The following GABPB2 variants were observed in gnomAD, a reference collection of about 807,000 sequenced individuals.
GABPB2 encodes the protein GA binding protein transcription factor subunit beta 2, also known as GA-binding protein subunit beta-2.
In GABPB2, 23 loss-of-function variants were observed where a neutral mutation model predicts 39.1. The observed-to-expected ratio is 0.59, with a 90% CI of 0.42 to 0.83. GABPB2 has a LOEUF of 0.83. GABPB2 is among the 40% of genes least tolerant of loss of function. The probability of loss-of-function intolerance (pLI) is 0.00; values close to 1 mark genes in which losing one functional copy is unlikely to be tolerated. For missense variants in GABPB2, 467 were observed against 541.1 expected, an observed-to-expected ratio of 0.86 and a Z score of 1.36; for synonymous variants, 184 against 199.3, an observed-to-expected ratio of 0.92 and a Z score of 0.65.
At chr1:151,071,453 C>CTTTTTT (rs71090124) in intron 1 of GABPB2, among the ~76,000 whole-genome samples, 69,830 of 100,448 alleles carry the variant, frequency 0.7, 26,491 homozygotes, top group East Asian at 0.89. Context: ...CTTTTTTGCT[C>CTTTTTT]TTTTTTTTTT....
intron 2 of GABPB2, among the ~76,000 whole-genome samples, chr1:151,089,653 A>G (rs587738707): frequency 4.6e-5 from 7 of 151,938 alleles, no homozygotes; most frequent in East Asian, 3.9e-4. Context: ...TACTTTATTT[A>G]TTTATTTTTT....
intron 2 of GABPB2, 48 bp downstream of exon 2, chr1:151,088,345 A>C: frequency 6.7e-7 from 1 of 1,495,582 alleles, no homozygotes; most frequent in East Asian, 2.4e-5. Flanking sequence ...GTATGCTTTT[A>C]CCAACATTTT....
intron 1 of GABPB2, among the ~76,000 whole-genome samples, chr1:151,080,465 C>A (rs997353822): frequency 2.0e-5 from 3 of 151,178 alleles, no homozygotes; most frequent in African/African-American, 7.3e-5. Context: ...GAACTGAGAT[C>A]ATTCCACTGC....
chr1:151,090,947 A>G (rs998214994), intron 3 of GABPB2, among the ~76,000 whole-genome samples: 3 of 151,470 alleles, frequency 2.0e-5, no homozygotes, highest in Non-Finnish European at 4.4e-5. Context: ...GTGGTGAGGC[A>G]AGATCACGCC....
rs375385535 is a variant in GABPB2, at chr1:151,093,392, G to C, written c.471+6G>C. The C allele has an allele frequency of 6.4e-7, 1 of 1,573,744 alleles. No homozygotes were observed. The highest frequency in any genetic ancestry group is 8.6e-7 in the Non-Finnish European group (1 of 1,160,064). On this transcript the variant is annotated splice_donor_region_variant and intron_variant, in intron 4 of 8. Transcript: ENST00000368918. ...AGATTTTGGTCATCCTCCAGGTGTG[G>C]TTCTTTTTATACTCTCCAGAATGTA...
Position 151,098,000 on chromosome 1 carries a change from CAGGTA to C in GABPB2, c.622_622+4del. The C allele has an allele frequency of 1.9e-6, 3 of 1,613,876 alleles. No individual in the cohort carries two copies. Among genetic ancestry groups the C allele is most frequent in the Non-Finnish European group, 1.7e-6 (2 of 1,179,904 alleles). ...TCTTCAACCAACACCAAAACAACCT[CAGGTA>C]ATGTTCTGATAACATGAAATTTATT... On this transcript the variant is annotated splice_donor_variant and splice_donor_region_variant and coding_sequence_variant and intron_variant, in exon 5 of 9. Transcript: ENST00000368918. LOFTEE classifies it high-confidence loss of function.
intron 6 of GABPB2, among the ~76,000 whole-genome samples, chr1:151,105,763 C>T (rs1308901355): frequency 6.6e-6 from 1 of 152,164 alleles, no homozygotes; most frequent in Non-Finnish European, 1.5e-5. Flanking sequence ...CCGTGGCCTC[C>T]CAAAGTGCTG....
At chr1:151,089,561 A>T (rs1404606809) in intron 2 of GABPB2, among the ~76,000 whole-genome samples, 1 of 152,316 alleles carries the variant, frequency 6.6e-6, no homozygotes, top group African/African-American at 2.4e-5. Context: ...GTGGCAAAAA[A>T]CTTTTCTTCC....
At chr1:151,073,842 C>G (rs1283352555) in intron 1 of GABPB2, among the ~76,000 whole-genome samples, 1 of 151,752 alleles carries the variant, frequency 6.6e-6, no homozygotes, top group Non-Finnish European at 1.5e-5. Flanking sequence ...ATCACTTGTA[C>G]CCAGGAGGCA....
At chr1:151,117,822 A>T (rs1389602025) in intron 8 of GABPB2, 135 bp from the exon 9 acceptor site, 2 of 874,278 alleles carry the variant, frequency 2.3e-6, no homozygotes, top group Middle Eastern at 3.4e-4. Context: ...GACCTCAGAT[A>T]ATCTGCCTAC....
chr1:151,083,072 C>T (rs183251059), intron 1 of GABPB2, among the ~76,000 whole-genome samples: 1 of 152,080 alleles, frequency 6.6e-6, no homozygotes, highest in Admixed American at 6.6e-5. Context: ...ACCCATTGAT[C>T]TTTCACTTTG....
chr1:151,092,100 ATTTTTTTTT>A (rs34298127), intron 3 of GABPB2, among the ~76,000 whole-genome samples: 5 of 58,110 alleles, frequency 8.6e-5, no homozygotes, highest in South Asian at 6.2e-4. Context: ...CAGTTTTCTA[ATTTTTTTTT>A]TTTTTTTTTT....
intron 4 of GABPB2, among the ~76,000 whole-genome samples, chr1:151,093,603 AT>A (rs1005500766): frequency 7.4e-5 from 11 of 148,752 alleles, no homozygotes; most frequent in South Asian, 6.3e-4. Flanking sequence ...TATTTTTTAT[AT>A]TTTTTATATA....
chr1:151,071,968 C>G (rs771338942), intron 1 of GABPB2, among the ~76,000 whole-genome samples: 2 of 152,226 alleles, frequency 1.3e-5, no homozygotes, highest in Non-Finnish European at 2.9e-5. Context: ...GGGGTCCCCC[C>G]CAACCCAACG....
At chr1:151,109,468 C>T (rs1308955516) in intron 7 of GABPB2, among the ~76,000 whole-genome samples, 1 of 150,502 alleles carries the variant, frequency 6.6e-6, no homozygotes, top group Non-Finnish European at 1.5e-5. Context: ...AAGCGATTCT[C>T]CTGCCTCAGC....
Position 151,097,824 on chromosome 1 carries a change from G to A in GABPB2, c.472-28G>A, listed in dbSNP as rs587663820. On this transcript the variant is annotated intron_variant, in intron 4 of 8. Coordinates refer to ENST00000368918, the MANE Select transcript of GABPB2 (RefSeq NM_144618.3). ...GAAAAGAAAAGCTAATAAGTGTTCT[G>A]ATTGAAATATCCTGCCTTGTTTGAT... The A allele has an allele frequency of 5.6e-6, 9 of 1,594,512 alleles. No individual in the cohort carries two copies. The South Asian group carries it at 9.0e-5, about 16-fold the overall frequency.
At chr1:151,087,879 C>A (rs971269714) in intron 1 of GABPB2, among the ~76,000 whole-genome samples, 11 of 152,068 alleles carry the variant, frequency 7.2e-5, no homozygotes, top group Admixed American at 6.6e-4. Flanking sequence ...TTGTACCCTT[C>A]TTCATTTCAG....
rs1572001287 is a variant in GABPB2, at chr1:151,117,281, A to G, written c.923-111A>G. 7 of 1,174,716 alleles carry G rather than the reference A, an allele frequency of 6.0e-6. No individual in the cohort carries two copies. The East Asian group carries it at 1.7e-4, about 28-fold the overall frequency. 72.8% of individuals were successfully genotyped at this position (1,174,716 alleles called of 1,614,324 possible). Reference sequence around the variant, plus strand: ...GTAGCTAGGACCACAGGCACACACCACTGTACCCAACCTAGAATATATTTT... The same window carrying G: ...GTAGCTAGGACCACAGGCACACACCGCTGTACCCAACCTAGAATATATTTT... On this transcript the variant is annotated intron_variant, in intron 7 of 8. Transcript: ENST00000368918.
In GABPB2 at chr1:151,115,387, C is replaced by T. The variant is rs1680783573; in HGVS notation, c.923-2005C>T. ...AGAAGGAAGGAAAGAAAGAAAGAAA[C>T]TGGCAAACTATTTTCTTTTTTTTTT... On this transcript the variant is annotated intron_variant, in intron 7 of 8. Transcript: ENST00000368918. 2.1e-5 allele frequency among the ~76,000 whole-genome samples: 3 copies of T among 142,512 alleles called. No homozygotes were observed. The South Asian group carries it at 6.8e-4, about 32-fold the overall frequency. 93.5% of individuals were successfully genotyped at this position (142,512 alleles called of 152,430 possible).
Sources: gnomAD v4.1 joint callset for allele counts (sites outside exome capture counted in the v4.1 genomes callset) on GRCh38, gnomAD v4.1.1 for gene constraint, MANE v1.5 for transcripts, NCBI Gene and HGNC (gene_info 2026-07-23, HGNC 2026-07-21) for gene names.